The following ANGEL2 variants were observed in gnomAD, a reference collection of about 807,000 sequenced individuals.
ANGEL2 encodes RNA 2',3'-cyclic phosphatase ANGEL2.
A neutral mutation model predicts 66.0 loss-of-function variants in ANGEL2; 41 were observed. That is an observed-to-expected ratio of 0.62 (90% CI 0.48 to 0.81). The LOEUF (loss-of-function observed/expected upper bound fraction) is 0.81. Ranked by LOEUF, ANGEL2 falls within the 30% of genes least tolerant of loss-of-function variation. ANGEL2 has a pLI of 0.00. For missense variants in ANGEL2, 561 were observed against 641.6 expected (o/e 0.87, Z 1.36); for synonymous variants, 208 against 226.5 (o/e 0.92, Z 0.73).
Position 213,007,124 on chromosome 1 carries a change from T to C in ANGEL2, c.712+5A>G, listed in dbSNP as rs2076355556. On this transcript the variant is annotated splice_donor_5th_base_variant and intron_variant, in intron 4 of 8. Transcript: ENST00000366962. ...GAAAAAAAAAAAAAAAAAGTTGCAT[T>C]GTACCCAGTGATTCCAAACTTGGCC... The C allele has an allele frequency of 2.5e-6, 4 of 1,606,016 alleles. No individual in the cohort carries two copies. The highest frequency in any genetic ancestry group is 2.7e-5 in the African/African-American group (2 of 74,366).
Position 212,992,924 on chromosome 1 carries a change from T to C in ANGEL2, c.*2117A>G, listed in dbSNP as rs748102343. On this transcript the variant is annotated 3_prime_UTR_variant, in exon 9 of 9. Transcript: ENST00000366962. ...ACTATCATTATAATTTGATAATGTC[T>C]ATATCTGCTAATTAGGGCACATAAT... The C allele has an allele frequency of 2.0e-5, 3 of 152,224 alleles. No individual in the cohort carries two copies. Among genetic ancestry groups the C allele is most frequent in the Non-Finnish European group, 4.4e-5 (3 of 68,036 alleles). 9.4% of individuals were successfully genotyped at this position (152,224 alleles called of 1,614,324 possible).
At chr1:213,007,465 A>G (rs2076366692) in intron 3 of ANGEL2, among the ~76,000 whole-genome samples, 2 of 152,222 alleles carry the variant, frequency 1.3e-5, no homozygotes, top group Admixed American at 6.5e-5. Context: ...TTCTTAGCTT[A>G]CATGTCAGGA....
intron 2 of ANGEL2, chr1:213,011,267 T>C (rs1307977629): frequency 2.3e-6 from 3 of 1,288,736 alleles, no homozygotes; most frequent in African/African-American, 3.0e-5. Context: ...TCAAAGAAAG[T>C]AAGCAATAGG....
intron 8 of ANGEL2, among the ~76,000 whole-genome samples, chr1:212,996,606 G>T (rs1460027915): frequency 9.0e-6 from 1 of 111,526 alleles, no homozygotes; most frequent in African/African-American, 3.4e-5. Flanking sequence ...CTGGGTAACA[G>T]AGCGAGACTC....
chr1:213,014,433 G>C (rs926488677), intron 1 of ANGEL2, among the ~76,000 whole-genome samples: 12 of 152,026 alleles, frequency 7.9e-5, no homozygotes, highest in Non-Finnish European at 1.6e-4. Context: ...TTAAGTATTC[G>C]CTAGTTGTTC....
Position 212,997,317 on chromosome 1 carries a change from A to G in ANGEL2, c.1321T>C (p.Leu441=). The change falls in exon 8 of 9, where the codon TTG becomes CTG. Residue 441 remains leucine (L), a splice_region_variant and synonymous_variant. Transcript: ENST00000366962. ...QTEVLVTAEK[L]SSNLQHHFSL... ...AAATGGTGCTGTAAATTTGAAGACA[A>G]TCTAAATAGAAAAGAAGAAGTGTTT... The G allele has an allele frequency of 6.2e-7, 1 of 1,602,108 alleles. No homozygotes were observed.
intron 5 of ANGEL2, among the ~76,000 whole-genome samples, chr1:213,004,663 T>C (rs1433433115): frequency 6.6e-6 from 1 of 150,744 alleles, no homozygotes; most frequent in East Asian, 2.0e-4. Context: ...ACGTAAGGAG[T>C]TCGAGACCAG....
chr1:212,999,168 G>A (rs1267653783), intron 7 of ANGEL2, among the ~76,000 whole-genome samples: 4 of 151,894 alleles, frequency 2.6e-5, no homozygotes, highest in East Asian at 1.9e-4. Context: ...CACCACGCCC[G>A]GCCAGAATGT....
intron 3 of ANGEL2, among the ~76,000 whole-genome samples, chr1:213,007,853 TTTTC>T (rs199879743): frequency 0.026 from 3,868 of 148,412 alleles, 145 homozygotes; most frequent in African/African-American, 0.089. Flanking sequence ...TAACCCAACT[TTTTC>T]TTTCTTTCTT....
intron 4 of ANGEL2, among the ~76,000 whole-genome samples, chr1:213,006,345 T>A (rs548390004): frequency 6.6e-6 from 1 of 151,692 alleles, no homozygotes; most frequent in Admixed American, 6.6e-5. Context: ...ACGCCTGTAG[T>A]CCCAGCTACT....
rs2076631142 is a variant in ANGEL2, at chr1:213,015,781, A to AC, written c.-111dup. 4.2e-6 allele frequency: 6 copies of AC among 1,442,220 alleles called. No homozygotes were observed. In the African/African-American group the frequency reaches 8.4e-5, roughly 20 times the overall value. The allele number at this position is 1,442,220 out of a possible 1,614,324, so 89.3% of individuals were successfully genotyped here. A position where few individuals can be genotyped will look rare whatever the true frequency, so the allele number is the denominator to read the frequency against. On this transcript the variant is annotated 5_prime_UTR_variant, in exon 1 of 9. The change creates a premature stop within an existing upstream ORF in the 5' untranslated region. Transcript: ENST00000366962. The stretch of plus-strand genomic sequence containing the variant: ...GGAACCCCATCACTCTTAAGTACCG[A>AC]CTCCAGTCCTGGCTGCAAGGCATGC...
At chr1:213,000,747 T>C (rs376774477) in intron 6 of ANGEL2, 39 bp downstream of exon 6, 32 of 1,568,982 alleles carry the variant, frequency 2.0e-5, no homozygotes, top group Admixed American at 4.4e-5. Context: ...GGGAACATGA[T>C]TACCCAGCAG....
At chr1:212,997,907 G>A (rs3010784) in intron 7 of ANGEL2, among the ~76,000 whole-genome samples, 147,007 of 152,018 alleles carry the variant, frequency 0.97, 71,264 homozygotes, top group East Asian at 1. Context: ...AATTAAAAAA[G>A]AAACTTATCC....
intron 5 of ANGEL2, among the ~76,000 whole-genome samples, chr1:213,003,956 T>C (rs1317586102): frequency 1.3e-5 from 2 of 152,160 alleles, no homozygotes; most frequent in Non-Finnish European, 2.9e-5. Flanking sequence ...TCCCAGCACT[T>C]TGGGAGGCCG....
At position 213,000,775 on chromosome 1, in the gene ANGEL2, C is replaced by G. The variant is rs534634324; in HGVS notation, c.1261+11G>C. On this transcript the variant is annotated intron_variant, in intron 6 of 8. Coordinates refer to ENST00000366962, the MANE Select transcript of ANGEL2 (RefSeq NM_144567.5). Reference sequence around the variant, plus strand: ...CCCAGCAGACTGCCAAAATGTATTACAAACACTTACCTGTCTTTTCTACTT... The same window carrying G: ...CCCAGCAGACTGCCAAAATGTATTAGAAACACTTACCTGTCTTTTCTACTT... 5 of 1,598,862 alleles carry G rather than the reference C, an allele frequency of 3.1e-6. No individual in the cohort carries two copies. In the African/African-American group the frequency reaches 5.4e-5, roughly 17 times the overall value.
chr1:213,011,371 A>G (rs2076504452), intron 2 of ANGEL2: 1 of 1,162,960 alleles, frequency 8.6e-7, no homozygotes, highest in Non-Finnish European at 1.1e-6. Flanking sequence ...CAAGTTAGCA[A>G]TGCTGTTTTC....
Position 212,994,226 on chromosome 1 carries a change from A to T in ANGEL2, c.*815T>A, listed in dbSNP as rs972322428. On this transcript the variant is annotated 3_prime_UTR_variant, in exon 9 of 9. Coordinates refer to ENST00000366962, the MANE Select transcript of ANGEL2 (RefSeq NM_144567.5). The stretch of plus-strand genomic sequence containing the variant: ...AGCCCGGGAGGCAGGGGTTGCAGTG[A>T]GCAAAGATTGCGCCATTGCACCCCC... 40 of 152,256 alleles carry T rather than the reference A, an allele frequency of 2.6e-4. No homozygotes were observed. Among genetic ancestry groups the T allele is most frequent in the African/African-American group, 9.4e-4 (39 of 41,456 alleles). The allele number at this position is 152,256 out of a possible 1,614,324, so 9.4% of individuals were successfully genotyped here.
intron 2 of ANGEL2, chr1:213,011,571 T>TCAGAAA: frequency 1.5e-6 from 1 of 670,402 alleles, no homozygotes; most frequent in Non-Finnish European, 1.9e-6. Flanking sequence ...GAGTACCTAC[T>TCAGAAA]ATGAAGCCAA....
intron 7 of ANGEL2, 141 bp from the exon 8 acceptor site, chr1:212,997,459 T>C (rs536455705): frequency 2.9e-6 from 2 of 696,436 alleles, no homozygotes; most frequent in Admixed American, 3.0e-5. Flanking sequence ...CATATCATAA[T>C]TTAGTATTAA....
Sources: gnomAD v4.1 joint callset for allele counts (sites outside exome capture counted in the v4.1 genomes callset) on GRCh38, gnomAD v4.1.1 for gene constraint, MANE v1.5 for transcripts, NCBI Gene and HGNC (gene_info 2026-07-23, HGNC 2026-07-21) for gene names.